SCN1A: variants seen among roughly 807,000 people sequenced by gnomAD.
The protein encoded by SCN1A is sodium voltage-gated channel alpha subunit 1.
A neutral mutation model predicts 193.7 loss-of-function variants in SCN1A; 13 were observed. The observed-to-expected ratio is 0.07, with a 90% confidence interval of 0.04 to 0.11. The LOEUF (loss-of-function observed/expected upper bound fraction) is 0.11. Among genes scored for constraint, SCN1A ranks in the 10% least tolerant of loss-of-function variants. The pLI, the probability that SCN1A is intolerant of heterozygous loss-of-function variation, is 1.00. For missense variants in SCN1A, 1,432 were observed against 2,451.1 expected (o/e 0.58, Z 8.78); for synonymous variants, 781 against 843.6 (o/e 0.93, Z 1.29).
rs1262255848 is a variant in SCN1A, at chr2:165,986,194, C to T, written c.*5051G>A. 6.6e-6 allele frequency: 1 copy of T among 152,060 alleles called. No homozygotes were observed. Among genetic ancestry groups the T allele is most frequent in the Non-Finnish European group, 1.5e-5 (1 of 67,982 alleles). The allele number at this position is 152,060 out of a possible 1,614,324, so 9.4% of individuals were successfully genotyped here. ...TCTTTAGAAAATAATCTAAAAGATA[C>T]AATTTCAGGATAAAGGTCTTTAACT... On this transcript the variant is annotated 3_prime_UTR_variant, in exon 29 of 29. Coordinates refer to ENST00000674923, the MANE Select transcript of SCN1A (RefSeq NM_001165963.4).
intron 18 of SCN1A, among the ~76,000 whole-genome samples, chr2:166,036,894 A>G (rs933538093): frequency 3.9e-5 from 6 of 152,226 alleles, no homozygotes; most frequent in East Asian, 1.9e-4. Context: ...ATGCATTTAA[A>G]TGCATTCTAT....
upstream of SCN1A, among the ~76,000 whole-genome samples, chr2:166,131,698 T>C (rs1328755450): frequency 5.9e-5 from 9 of 152,208 alleles, no homozygotes. Context: ...TGAATATTCT[T>C]TAATATTTTC....
chr2:166,079,937 AATT>A, intron 2 of SCN1A, among the ~76,000 whole-genome samples: 1 of 151,464 alleles, frequency 6.6e-6, no homozygotes, highest in South Asian at 2.1e-4. Flanking sequence ...CCTAAAAATA[AATT>A]ATGTTATATT....
chr2:166,011,468 G>A (rs999057279), intron 22 of SCN1A, among the ~76,000 whole-genome samples: 3 of 151,014 alleles, frequency 2.0e-5, no homozygotes, highest in Admixed American at 6.6e-5. Flanking sequence ...TGGGCTTGCC[G>A]TAAATCTAGT....
At chr2:166,032,842 AAAC>A (rs1695815260) in intron 19 of SCN1A, among the ~76,000 whole-genome samples, 1 of 152,180 alleles carries the variant, frequency 6.6e-6, no homozygotes, top group Admixed American at 6.5e-5. Flanking sequence ...ACAAAAACAA[AAAC>A]AACAAAATCT....
At chr2:166,016,919 A>T (rs945464838) in intron 19 of SCN1A, among the ~76,000 whole-genome samples, 2 of 151,570 alleles carry the variant, frequency 1.3e-5, no homozygotes, top group Non-Finnish European at 2.9e-5. Context: ...TGAATTTCAC[A>T]TACATAGGAG....
intron 5 of SCN1A, among the ~76,000 whole-genome samples, chr2:166,057,746 A>G (rs1007528442): frequency 2.0e-5 from 3 of 152,038 alleles, no homozygotes; most frequent in Admixed American, 6.6e-5. Context: ...CCTTTAAAAA[A>G]AAGTATGAGC....
Position 165,991,926 on chromosome 2 carries a change from C to G in SCN1A, c.5349G>C (p.Ala1783=), listed in dbSNP as rs369500022. Reference sequence around the variant, plus strand: ...CAACACTGAAGTTCTCCAGGATGACCGCGATGTACATGTTCACCACAACCA... The same window carrying G: ...CAACACTGAAGTTCTCCAGGATGACGGCGATGTACATGTTCACCACAACCA... ...SFLVVVNMYI[A]VILENFSVAT... is the part of the protein sequence containing the mutation. Residue 1783 remains alanine, a synonymous_variant, in exon 29 of 29, where the codon GCG becomes GCC. Coordinates refer to ENST00000674923, the MANE Select transcript of SCN1A (RefSeq NM_001165963.4). 42 of 1,613,828 alleles carry G rather than the reference C, an allele frequency of 2.6e-5. No individual in the cohort carries two copies. Among genetic ancestry groups the G allele is most frequent in the Non-Finnish European group, 3.5e-5 (41 of 1,179,910 alleles).
At chr2:166,033,522 G>T (rs2105778094) in intron 19 of SCN1A, among the ~76,000 whole-genome samples, 1 of 151,674 alleles carries the variant, frequency 6.6e-6, no homozygotes, top group African/African-American at 2.4e-5. Context: ...AAAAAAAACT[G>T]GCCTATTAAA....
chr2:166,084,869 C>T (rs1246978260), intron 2 of SCN1A, among the ~76,000 whole-genome samples: 2 of 152,126 alleles, frequency 1.3e-5, no homozygotes, highest in Admixed American at 1.3e-4. Context: ...TGGAAATTTG[C>T]TCCTTATTAT....
At chr2:166,129,469 A>G (rs1316122990), upstream of SCN1A, among the ~76,000 whole-genome samples, 2 of 152,166 alleles carry the variant, frequency 1.3e-5, no homozygotes, top group African/African-American at 4.8e-5. Context: ...CCAGCTCAAA[A>G]ACTCTATCCA....
chr2:166,091,396 A>G (rs1686787660), intron 2 of SCN1A, among the ~76,000 whole-genome samples: 1 of 152,214 alleles, frequency 6.6e-6, no homozygotes. Context: ...CTATCTAATG[A>G]CCAAAGCAGA....
intron 19 of SCN1A, among the ~76,000 whole-genome samples, chr2:166,035,642 A>G (rs1456551220): frequency 1.3e-5 from 2 of 152,228 alleles, no homozygotes; most frequent in East Asian, 3.8e-4. Flanking sequence ...TACTTTAAAC[A>G]TGCTCAGGAA....
In SCN1A at chr2:165,987,513, T is replaced by C. The variant is rs1054609192; in HGVS notation, c.*3732A>G. ...TCTAACTCCGTTATTTCTTCTACAATTGTTAATTAACATTCAACTGCAAGA... is the reference window on the plus strand; with the variant it reads ...TCTAACTCCGTTATTTCTTCTACAACTGTTAATTAACATTCAACTGCAAGA... On this transcript the variant is annotated 3_prime_UTR_variant, in exon 29 of 29. Transcript: ENST00000674923. 6.6e-6 allele frequency: 1 copy of C among 152,226 alleles called. No homozygotes were observed. Among genetic ancestry groups the C allele is most frequent in the Non-Finnish European group, 1.5e-5 (1 of 68,038 alleles). 9.4% of individuals were successfully genotyped at this position (152,226 alleles called of 1,614,324 possible). A position where few individuals can be genotyped will look rare whatever the true frequency, so the allele number is the denominator to read the frequency against.
chr2:166,016,740 A>G (rs1693359466), intron 19 of SCN1A: 1 of 151,972 alleles, frequency 6.6e-6, no homozygotes, highest in Admixed American at 6.6e-5. Flanking sequence ...GATAACTGAA[A>G]TATCTATTGT....
At chr2:166,074,459 C>T (rs76066774) in intron 3 of SCN1A, among the ~76,000 whole-genome samples, 11,671 of 129,428 alleles carry the variant, frequency 0.09, 1,217 homozygotes, top group African/African-American at 0.28. Context: ...GTGCCATAAA[C>T]TCAATAGAAA....
intron 19 of SCN1A, among the ~76,000 whole-genome samples, chr2:166,026,679 CTTTTTTT>C (rs35750460): frequency 3.1e-5 from 3 of 97,712 alleles, no homozygotes; most frequent in Non-Finnish European, 3.8e-5. Flanking sequence ...TTCTTTCTTT[CTTTTTTT>C]TTTTTTTTTT....
At chr2:166,039,993 T>TG (rs1481589113) in intron 16 of SCN1A, among the ~76,000 whole-genome samples, 1 of 146,278 alleles carries the variant, frequency 6.8e-6, no homozygotes, top group Non-Finnish European at 1.5e-5. Context: ...GGTGCCATCT[T>TG]GGCTCACTGC....
intron 2 of SCN1A, among the ~76,000 whole-genome samples, chr2:166,102,788 G>C (rs1688249536): frequency 6.6e-6 from 1 of 152,092 alleles, no homozygotes; most frequent in South Asian, 2.1e-4. Flanking sequence ...GCAATGGCAT[G>C]CAATCAACCT....
Sources: gnomAD v4.1 joint callset for allele counts (sites outside exome capture counted in the v4.1 genomes callset) on GRCh38, gnomAD v4.1.1 for gene constraint, MANE v1.5 for transcripts, NCBI Gene and HGNC (gene_info 2026-07-23, HGNC 2026-07-21) for gene names.